Variants in FBN2 observed in about 807,000 individuals in gnomAD.
FBN2 encodes the protein fibrillin-2.
In FBN2, 105 loss-of-function variants were observed where a neutral mutation model predicts 355.6. The observed-to-expected ratio is 0.30, with a 90% CI of 0.25 to 0.35. The LOEUF is 0.35. Ranked by LOEUF, FBN2 falls within the 10% of genes least tolerant of loss-of-function variation. The pLI, the probability that FBN2 is intolerant of heterozygous loss-of-function variation, is 1.00. For missense variants in FBN2, 3,280 were observed against 3,758.7 expected, an observed-to-expected ratio of 0.87 and a Z score of 3.33; for synonymous variants, 1,350 against 1,301.2, an observed-to-expected ratio of 1.04 and a Z score of -0.81.
chr5:128,423,169 C>T (rs1753396688), intron 7 of FBN2, among the ~76,000 whole-genome samples: 1 of 152,064 alleles, frequency 6.6e-6, no homozygotes, highest in Non-Finnish European at 1.5e-5. Context: ...TAAATTGAAA[C>T]AGATAAACAG....
At chr5:128,424,257 C>T (rs1025858615) in intron 7 of FBN2, among the ~76,000 whole-genome samples, 2 of 152,020 alleles carry the variant, frequency 1.3e-5, no homozygotes, top group African/African-American at 4.8e-5. Context: ...ATAAAAAATG[C>T]AAAAGGTCCA....
chr5:128,292,934 A>G (rs939211616), intron 48 of FBN2, among the ~76,000 whole-genome samples: 12 of 152,148 alleles, frequency 7.9e-5, no homozygotes, highest in Admixed American at 3.9e-4. Flanking sequence ...GTCACATTGT[A>G]TTATAAGGAT....
intron 6 of FBN2, among the ~76,000 whole-genome samples, chr5:128,448,479 G>C (rs946684074): frequency 6.6e-6 from 1 of 151,702 alleles, no homozygotes; most frequent in Admixed American, 6.6e-5. Flanking sequence ...GGCTAATTTT[G>C]TATTTTTAGT....
At chr5:128,399,075 T>C (rs1162360024) in intron 8 of FBN2, among the ~76,000 whole-genome samples, 4 of 152,150 alleles carry the variant, frequency 2.6e-5, no homozygotes, top group East Asian at 1.9e-4. Context: ...GGAAGAGTAA[T>C]AAGCAGAATG....
intron 7 of FBN2, 87 bp downstream of exon 7, chr5:128,446,394 C>A: frequency 1.5e-6 from 2 of 1,347,702 alleles, no homozygotes; most frequent in Non-Finnish European, 2.1e-6. Context: ...TAATTGTGAC[C>A]AGTAGTCTTC....
chr5:128,521,781 C>T (rs1756439994), intron 4 of FBN2, among the ~76,000 whole-genome samples: 1 of 152,118 alleles, frequency 6.6e-6, no homozygotes, highest in South Asian at 2.1e-4. Context: ...AAGGGCTTCT[C>T]CCACGGTTTT....
At chr5:128,341,499 C>T (rs1377850843) in intron 25 of FBN2, among the ~76,000 whole-genome samples, 2 of 152,168 alleles carry the variant, frequency 1.3e-5, no homozygotes, top group African/African-American at 2.4e-5. Context: ...TTGGTAGTGT[C>T]GCTGGCAGAA....
intron 36 of FBN2, among the ~76,000 whole-genome samples, chr5:128,313,998 C>T (rs2126849348): frequency 6.7e-6 from 1 of 150,222 alleles, no homozygotes; most frequent in African/African-American, 2.4e-5. Context: ...TAATAGTTTT[C>T]TAACTCTTTT....
intron 7 of FBN2, among the ~76,000 whole-genome samples, chr5:128,420,690 A>G (rs1258875068): frequency 6.6e-6 from 1 of 152,234 alleles, no homozygotes; most frequent in Non-Finnish European, 1.5e-5. Flanking sequence ...AAAAAGAAAC[A>G]ATAGTTAATG....
intron 5 of FBN2, among the ~76,000 whole-genome samples, chr5:128,497,832 A>T (rs1473050255): frequency 6.6e-6 from 1 of 152,220 alleles, no homozygotes; most frequent in Non-Finnish European, 1.5e-5. Context: ...AAAAATTATT[A>T]GCCATTTGTA....
chr5:128,465,916 A>G (rs891374165), intron 5 of FBN2, among the ~76,000 whole-genome samples: 4 of 152,134 alleles, frequency 2.6e-5, no homozygotes, highest in African/African-American at 9.7e-5. Context: ...CAGGTTCTGC[A>G]TTTTTTAACA....
chr5:128,263,557 T>G lies in FBN2; in HGVS notation c.8060A>C (p.Asp2687Ala). 1.9e-6 allele frequency: 3 copies of G among 1,614,010 alleles called. No homozygotes were observed. The highest frequency in any genetic ancestry group is 2.5e-6 in the Non-Finnish European group (3 of 1,179,984). Reference sequence around the variant, plus strand: ...GTCGTGGCAGGCACTGGAGAACTGGTCGAAGGAGAACCCCGAGGGGCAGGC... The same window carrying G: ...GTCGTGGCAGGCACTGGAGAACTGGGCGAAGGAGAACCCCGAGGGGCAGGC... ...KCACPSGFSF[D>A]QFSSACHDVN... Residue 2687 changes from aspartate (D) to alanine (A), a missense_variant, in exon 63 of 65, where the codon GAC (aspartate) becomes GCC (alanine). Asp to Ala is a moderately radical substitution (Grantham distance 126). Transcript: ENST00000262464.
chr5:128,323,095 T>C (rs922433045), intron 34 of FBN2, among the ~76,000 whole-genome samples: 5 of 152,216 alleles, frequency 3.3e-5, no homozygotes, highest in African/African-American at 1.2e-4. Flanking sequence ...CTTGTGATTT[T>C]TGCACACCGA....
chr5:128,390,931 T>C (rs1254942939), intron 11 of FBN2, among the ~76,000 whole-genome samples: 1 of 152,220 alleles, frequency 6.6e-6, no homozygotes, highest in African/African-American at 2.4e-5. Flanking sequence ...TTTGAAGGCA[T>C]TTTTATGAGT....
At chr5:128,456,506 G>A (rs535019386) in intron 6 of FBN2, among the ~76,000 whole-genome samples, 10 of 152,218 alleles carry the variant, frequency 6.6e-5, no homozygotes, top group Non-Finnish European at 1.3e-4. Context: ...CTCCAAAAGC[G>A]GTTGTCAGAC....
At chr5:128,477,591 A>C (rs1259578084) in intron 5 of FBN2, among the ~76,000 whole-genome samples, 2 of 152,208 alleles carry the variant, frequency 1.3e-5, no homozygotes, top group African/African-American at 4.8e-5. Flanking sequence ...CCATCATTTT[A>C]CTTAATCTGT....
At position 128,263,556 on chromosome 5, in the gene FBN2, G is replaced by C. The variant is rs749888746; in HGVS notation, c.8061C>G (p.Asp2687Glu). The C allele has an allele frequency of 6.2e-7, 1 of 1,614,020 alleles. No individual in the cohort carries two copies. Among genetic ancestry groups the C allele is most frequent in the South Asian group, 1.1e-5 (1 of 91,088 alleles). Residue 2687 changes from aspartate to glutamate, a missense_variant, in exon 63 of 65, where the codon GAC becomes GAG. By Grantham distance (45) the Asp-to-Glu change is conservative. This residue lies in a region of FBN2 where 311 missense variants were observed against 319.1 expected (regional missense o/e 0.97). Transcript: ENST00000262464. ...CGTCGTGGCAGGCACTGGAGAACTG[G>C]TCGAAGGAGAACCCCGAGGGGCAGG... ...KCACPSGFSF[D>E]QFSSACHDVN...
chr5:128,395,901 C>T (rs1177815397), intron 8 of FBN2, among the ~76,000 whole-genome samples: 3 of 152,102 alleles, frequency 2.0e-5, no homozygotes, highest in African/African-American at 7.2e-5. Context: ...ACTTGGATTT[C>T]GAGTGGAGGG....
chr5:128,348,359 TTTTC>T (rs1478597251), intron 23 of FBN2, among the ~76,000 whole-genome samples: 2 of 152,142 alleles, frequency 1.3e-5, no homozygotes. Flanking sequence ...CTGAAAGACA[TTTTC>T]TTTATTTTTG....
Sources: gnomAD v4.1 joint callset for allele counts (sites outside exome capture counted in the v4.1 genomes callset) on GRCh38, gnomAD v4.1.1 for gene constraint, gnomAD v4.1.1 regional missense constraint, MANE v1.5 for transcripts, NCBI Gene and HGNC (gene_info 2026-07-23, HGNC 2026-07-21) for gene names.